The following C12orf42 variants were observed in gnomAD, a reference collection of about 807,000 sequenced individuals.
C12orf42 encodes the protein chromosome 12 open reading frame 42.
Under a neutral mutation model 21.6 loss-of-function variants are expected in C12orf42, and 25 were observed. The ratio of observed to expected loss-of-function variants is 1.16; its 90% CI spans 0.84 to 1.62. C12orf42 has a LOEUF of 1.62. Ranked by LOEUF, C12orf42 falls within the 40% of genes most tolerant of loss-of-function variation. C12orf42 has a pLI of 0.00. For synonymous variants in C12orf42, 174 were observed against 175.0 expected, an observed-to-expected ratio of 0.99 and a Z score of 0.05; for missense variants, 483 against 459.3, an observed-to-expected ratio of 1.05 and a Z score of -0.47.
the C12orf42 span, among the ~76,000 whole-genome samples, chr12:103,153,648 A>ATTGC: frequency 1.3e-5 from 2 of 152,142 alleles, no homozygotes; most frequent in Non-Finnish European, 2.9e-5. Flanking sequence ...CCAAAATAAA[A>ATTGC]AAGACAGACC....
the C12orf42 span, chr12:103,164,470 G>A: frequency 2.2e-6 from 1 of 455,170 alleles, no homozygotes; most frequent in South Asian, 1.6e-5. Context: ...CTGGACGAAT[G>A]AATTACTGAA....
chr12:103,273,450 A>C (rs1263716932), intron 5 of C12orf42, among the ~76,000 whole-genome samples: 2 of 152,184 alleles, frequency 1.3e-5, no homozygotes, highest in Non-Finnish European at 1.5e-5. Flanking sequence ...TGGCCATTTT[A>C]GACTGTAATG....
In C12orf42 at chr12:103,478,346, T is replaced by A. The variant is rs1234145596; in HGVS notation, c.78+3A>T. On this transcript the variant is annotated splice_donor_region_variant and intron_variant, in intron 2 of 5. Transcript: ENST00000548883. ...AGAAAATATAGTATCTCTTATGCAT[T>A]ACCTGCATCCTGTTTGCAAAAGGTC... The A allele has an allele frequency of 1.9e-6, 3 of 1,585,130 alleles. No individual in the cohort carries two copies. Among genetic ancestry groups the A allele is most frequent in the Non-Finnish European group, 2.6e-6 (3 of 1,159,010 alleles).
intron 2 of C12orf42, among the ~76,000 whole-genome samples, chr12:103,459,717 A>G (rs550068458): frequency 1.3e-5 from 2 of 152,342 alleles, no homozygotes; most frequent in East Asian, 1.9e-4. Context: ...ACAACTTTCA[A>G]TGAAAACTTA....
At chr12:103,350,164 A>G (rs763088299) in intron 4 of C12orf42, among the ~76,000 whole-genome samples, 1 of 152,190 alleles carries the variant, frequency 6.6e-6, no homozygotes, top group Non-Finnish European at 1.5e-5. Flanking sequence ...CTCACTTTCC[A>G]TGGTTTCAGT....
chr12:103,119,606 C>T, the C12orf42 span, among the ~76,000 whole-genome samples: 19 of 152,306 alleles, frequency 1.2e-4, no homozygotes, highest in South Asian at 3.7e-3. Flanking sequence ...GTCTGTCTTC[C>T]TCCCAATCAG....
the C12orf42 span, among the ~76,000 whole-genome samples, chr12:103,050,843 A>G: frequency 6.6e-6 from 1 of 152,140 alleles, no homozygotes; most frequent in Admixed American, 6.6e-5. Flanking sequence ...CTAGGTAATT[A>G]ATTTATGTGA....
At chr12:103,512,390 T>C in the C12orf42 span, among the ~76,000 whole-genome samples, 4 of 152,136 alleles carry the variant, frequency 2.6e-5, no homozygotes, top group Non-Finnish European at 5.9e-5. Context: ...ATAAGTTCTC[T>C]TGTTGGAAAG....
chr12:103,146,606 A>AAG, the C12orf42 span, among the ~76,000 whole-genome samples: 7 of 151,460 alleles, frequency 4.6e-5, no homozygotes, highest in Non-Finnish European at 1.0e-4. Context: ...GAAAGAAAGA[A>AAG]AGAAAAAGAA....
intron 10 of C12orf42, among the ~76,000 whole-genome samples, chr12:103,238,668 C>G (rs1055658604): frequency 6.6e-6 from 1 of 152,134 alleles, no homozygotes; most frequent in Non-Finnish European, 1.5e-5. Context: ...TCTGTCCATC[C>G]TTGGGAGAGA....
the C12orf42 span, among the ~76,000 whole-genome samples, chr12:103,507,664 T>C: frequency 7.0e-6 from 1 of 143,542 alleles, no homozygotes; most frequent in East Asian, 2.1e-4. Context: ...GGGAACACAG[T>C]AAGACCTTGT....
At chr12:103,304,096 G>A (rs2038026105) in intron 5 of C12orf42, among the ~76,000 whole-genome samples, 2 of 152,210 alleles carry the variant, frequency 1.3e-5, no homozygotes. Context: ...TAAAGGAACA[G>A]TGTGGTATAA....
chr12:103,066,437 T>A, the C12orf42 span, among the ~76,000 whole-genome samples: 1 of 152,162 alleles, frequency 6.6e-6, no homozygotes, highest in South Asian at 2.1e-4. Flanking sequence ...TAGGGGAAGT[T>A]CCCTATGATC....
chr12:103,539,259 G>A, the C12orf42 span, among the ~76,000 whole-genome samples: 1 of 152,176 alleles, frequency 6.6e-6, no homozygotes, highest in African/African-American at 2.4e-5. Flanking sequence ...AGTTTAGGCA[G>A]TCCATCTCTA....
At chr12:103,262,464 T>C (rs570517981) in intron 10 of C12orf42, 59 of 152,360 alleles carry the variant, frequency 3.9e-4, no homozygotes, top group African/African-American at 1.4e-3. Context: ...AACAGTGCAT[T>C]CCAACCTGAG....
chr12:103,223,608 G>A, the C12orf42 span, among the ~76,000 whole-genome samples: 10 of 152,152 alleles, frequency 6.6e-5, no homozygotes, highest in South Asian at 4.1e-4. Context: ...AGTGTAAACC[G>A]GCAGTGTAAA....
intron 2 of C12orf42, among the ~76,000 whole-genome samples, chr12:103,475,314 A>G (rs1245586492): frequency 6.6e-6 from 1 of 152,170 alleles, no homozygotes; most frequent in East Asian, 1.9e-4. Context: ...TAATCTGTCA[A>G]TGTTCTAGTC....
intron 2 of C12orf42, among the ~76,000 whole-genome samples, chr12:103,461,156 T>C (rs1475532596): frequency 2.0e-5 from 3 of 152,238 alleles, no homozygotes; most frequent in Non-Finnish European, 4.4e-5. Context: ...GGTGAAATTT[T>C]ATTTTATATT....
chr12:103,354,660 A>T (rs754283848), intron 4 of C12orf42, among the ~76,000 whole-genome samples: 4 of 152,166 alleles, frequency 2.6e-5, no homozygotes, highest in Admixed American at 6.6e-5. Flanking sequence ...AAAATTATAG[A>T]TAAATAGGAA....
Sources: gnomAD v4.1 joint callset for allele counts (sites outside exome capture counted in the v4.1 genomes callset) on GRCh38, gnomAD v4.1.1 for gene constraint, MANE v1.5 for transcripts, NCBI Gene and HGNC (gene_info 2026-07-23, HGNC 2026-07-21) for gene names.